MSX1: variants seen among roughly 807,000 people sequenced by gnomAD.
MSX1 encodes msh homeobox 1.
MSX1 carries 11 observed loss-of-function variants against 17.0 expected under a neutral mutation model. That is an observed-to-expected ratio of 0.65 (90% CI 0.41 to 1.07). The LOEUF is 1.07. MSX1 is among the 50% of genes least tolerant of loss of function. MSX1 has a pLI of 0.00. For missense variants in MSX1, 477 were observed against 440.1 expected, an observed-to-expected ratio of 1.08 and a Z score of -0.75; for synonymous variants, 253 against 211.8, an observed-to-expected ratio of 1.19 and a Z score of -1.69.
rs781560389 is a variant in MSX1, at chr4:4,863,065, C to A, written c.834C>A (p.Phe278Leu). The change falls in exon 2 of 2, where the codon TTC (phenylalanine) becomes TTA (leucine). Residue 278 changes from phenylalanine to leucine, a missense_variant. Coordinates refer to ENST00000382723, the MANE Select transcript of MSX1 (RefSeq NM_002448.3). The stretch of plus-strand genomic sequence containing the variant: ...CGCTCTACGGTGCCTCTGGCCCCTT[C>A]CAGCGCGCCGCGCTGCCTGTGGCGC... The part of the protein sequence containing the change: ...GASLYGASGP[F>L]QRAALPVAPV... 8.7e-6 allele frequency: 14 copies of A among 1,608,510 alleles called. No homozygotes were observed. Among genetic ancestry groups the A allele is most frequent in the African/African-American group, 1.3e-5 (1 of 74,788 alleles).
At position 4,860,292 on chromosome 4, in the gene MSX1, C is replaced by T. The variant is rs757983325; in HGVS notation, c.393C>T (p.Leu131=). ...TCCTCAAGCTGCCAGAAGATGCGCT[C>T]GTCAAAGCCGAGAGCCCCGAGAAGC... ...GGLLKLPEDA[L]VKAESPEKPE... The change falls in exon 1 of 2, where the codon CTC becomes CTT. Residue 131 remains leucine (L), a synonymous_variant. Transcript: ENST00000382723. The T allele has an allele frequency of 3.7e-6, 6 of 1,601,028 alleles. No individual in the cohort carries two copies. Among genetic ancestry groups the T allele is most frequent in the Admixed American group, 3.3e-5 (2 of 60,002 alleles).
At position 4,860,302 on chromosome 4, in the gene MSX1, G is replaced by T; in HGVS notation, c.403G>T (p.Glu135Ter). 2 of 1,602,396 alleles carry T rather than the reference G, an allele frequency of 1.2e-6. No individual in the cohort carries two copies. The change falls in exon 1 of 2, where the codon GAG (glutamate) becomes TAG (stop). Residue 135 changes from glutamate to a stop codon, truncating the protein, a stop_gained. Transcript: ENST00000382723. LOFTEE classifies it high-confidence loss of function. The stretch of plus-strand genomic sequence containing the variant: ...GCCAGAAGATGCGCTCGTCAAAGCC[G>T]AGAGCCCCGAGAAGCCCGAGAGGAC... ...KLPEDALVKA[E>*]SPEKPERTPW... is the part of the protein sequence containing the mutation.
intron 1 of MSX1, among the ~76,000 whole-genome samples, chr4:4,860,725 G>T (rs984317197): frequency 3.3e-5 from 5 of 152,234 alleles, no homozygotes; most frequent in Non-Finnish European, 7.3e-5. Context: ...GTGTGGTGCG[G>T]TATCTTCCCT....
In MSX1 at chr4:4,863,582, A is replaced by AAAAAAAAAAAAAAAAAAAAAAAAAAC. The variant is rs1737979890; in HGVS notation, c.*445_*446insAAAAAAAAAAAAAAAAAAACAAAAAA. 1 of 134,684 alleles carries AAAAAAAAAAAAAAAAAAAAAAAAAAC rather than the reference A, an allele frequency of 7.4e-6. No homozygotes were observed. The highest frequency in any genetic ancestry group is 1.6e-5 in the Non-Finnish European group (1 of 63,448). 8.3% of individuals were successfully genotyped at this position (134,684 alleles called of 1,614,324 possible). A position where few individuals can be genotyped will look rare whatever the true frequency, so the allele number is the denominator to read the frequency against. Reference sequence around the variant, plus strand: ...AAAAAAAAAAAAAAAAAAAAAAAAAAAAAAAAGAAAAGAGAAAAAAAAGAC... The same window carrying AAAAAAAAAAAAAAAAAAAAAAAAAAC: ...AAAAAAAAAAAAAAAAAAAAAAAAAAAAAAAAAAAAAAAAAAAAAAAAAAACAAAAAAGAAAAGAGAAAAAAAAGAC... On this transcript the variant is annotated 3_prime_UTR_variant, in exon 2 of 2. Transcript: ENST00000382723.
intron 1 of MSX1, among the ~76,000 whole-genome samples, chr4:4,861,092 C>T (rs539265613): frequency 6.6e-6 from 1 of 152,276 alleles, no homozygotes; most frequent in Admixed American, 6.5e-5. Context: ...AGAACACGCT[C>T]GGAGATATTT....
rs1449682924 is a variant in MSX1, at chr4:4,859,839, G to C, written c.-61G>C. ...CAGAGGCCGGCCGCGCTCCCAGCCC[G>C]CCCGGAGCCCATGCCCGGCGGCTGG... On this transcript the variant is annotated 5_prime_UTR_variant, in exon 1 of 2. Coordinates refer to ENST00000382723, the MANE Select transcript of MSX1 (RefSeq NM_002448.3). 11 of 1,378,712 alleles carry C rather than the reference G, an allele frequency of 8.0e-6. No homozygotes were observed. The highest frequency in any genetic ancestry group is 1.0e-5 in the Non-Finnish European group (11 of 1,061,158). 85.4% of individuals were successfully genotyped at this position (1,378,712 alleles called of 1,614,324 possible).
At chr4:4,860,998 C>T (rs1210559168) in intron 1 of MSX1, among the ~76,000 whole-genome samples, 1 of 152,270 alleles carries the variant, frequency 6.6e-6, no homozygotes, top group African/African-American at 2.4e-5. Context: ...TCCCAAACGT[C>T]TAGGACTGAG....
At position 4,863,199 on chromosome 4, in the gene MSX1, AC is replaced by A; in HGVS notation, c.*61del. On this transcript the variant is annotated 3_prime_UTR_variant, in exon 2 of 2. Coordinates refer to ENST00000382723, the MANE Select transcript of MSX1 (RefSeq NM_002448.3). The stretch of plus-strand genomic sequence containing the variant: ...CCGATTCCTCCAGCCCTGGTGCTGT[AC>A]CCCCGACGTGCTCCCCTGCTCGGCA... The A allele has an allele frequency of 1.3e-6, 2 of 1,527,930 alleles. No homozygotes were observed. Among genetic ancestry groups the A allele is most frequent in the Non-Finnish European group, 8.8e-7 (1 of 1,136,052 alleles). 94.6% of individuals were successfully genotyped at this position (1,527,930 alleles called of 1,614,324 possible). A position where few individuals can be genotyped will look rare whatever the true frequency, so the allele number is the denominator to read the frequency against.
Position 4,863,263 on chromosome 4 carries a change from A to C in MSX1, c.*120A>C. On this transcript the variant is annotated 3_prime_UTR_variant, in exon 2 of 2. Transcript: ENST00000382723. ...TTCCCTTTAACCCTCACACTGCTCC[A>C]GTTTCACCTCTTTGCTCCCTGAGTT... 7 of 1,056,492 alleles carry C rather than the reference A, an allele frequency of 6.6e-6. No individual in the cohort carries two copies. Among genetic ancestry groups the C allele is most frequent in the Non-Finnish European group, 8.3e-6 (6 of 726,058 alleles). 65.4% of individuals were successfully genotyped at this position (1,056,492 alleles called of 1,614,324 possible).
chr4:4,859,874 C>G lies in MSX1; in HGVS notation c.-26C>G. The G allele has an allele frequency of 6.8e-7, 1 of 1,468,416 alleles. No individual in the cohort carries two copies. Among genetic ancestry groups the G allele is most frequent in the Non-Finnish European group, 9.0e-7 (1 of 1,108,290 alleles). The allele number at this position is 1,468,416 out of a possible 1,614,324, so 91.0% of individuals were successfully genotyped here. A position where few individuals can be genotyped will look rare whatever the true frequency, so the allele number is the denominator to read the frequency against. On this transcript the variant is annotated 5_prime_UTR_variant, in exon 1 of 2. Transcript: ENST00000382723. ...CATGCCCGGCGGCTGGCCAGTGCTG[C>G]GGCAGAAGGGGGGGCCCGGCTCTGC...
At position 4,862,929 on chromosome 4, in the gene MSX1, C is replaced by A; in HGVS notation, c.698C>A (p.Ala233Glu). 2 of 1,613,458 alleles carry A rather than the reference C, an allele frequency of 1.2e-6. No homozygotes were observed. Among genetic ancestry groups the A allele is most frequent in the Non-Finnish European group, 1.7e-6 (2 of 1,180,020 alleles). Residue 233 changes from alanine to glutamate, a missense_variant, in exon 2 of 2, where the codon GCA (alanine) becomes GAA (glutamate). Physicochemically the swap from Ala to Glu is moderately radical, Grantham distance 107. Around this residue, in one of 3 missense-constraint regions of MSX1, gnomAD observed 114 missense variants for 106.3 expected, o/e 1.07. Coordinates refer to ENST00000382723, the MANE Select transcript of MSX1 (RefSeq NM_002448.3). Reference sequence around the variant, plus strand: ...GCCAAGGCAAAGAGACTACAAGAGGCAGAGCTGGAGAAGCTGAAGATGGCC... The same window carrying A: ...GCCAAGGCAAAGAGACTACAAGAGGAAGAGCTGGAGAAGCTGAAGATGGCC... ...RRAKAKRLQE[A>E]ELEKLKMAAK...
At chr4:4,860,721 T>C (rs1025903220) in intron 1 of MSX1, among the ~76,000 whole-genome samples, 11 of 152,212 alleles carry the variant, frequency 7.2e-5, no homozygotes, top group African/African-American at 2.7e-4. Flanking sequence ...ATGTGTGTGG[T>C]GCGGTATCTT....
At chr4:4,860,783 C>A (rs942823026) in intron 1 of MSX1, among the ~76,000 whole-genome samples, 1 of 152,228 alleles carries the variant, frequency 6.6e-6, no homozygotes, top group Non-Finnish European at 1.5e-5. Context: ...GTCCCCCAGC[C>A]CCTCTTCCCT....
At chr4:4,860,405 CGGGTGGGG>C (rs780446939) in intron 1 of MSX1, 37 bp downstream of exon 1, 1 of 114,034 alleles carries the variant, frequency 8.8e-6, no homozygotes, top group Non-Finnish European at 1.1e-5. Flanking sequence ...GGGAGGGGGC[CGGGTGGGG>C]GCCGGGTGGG....
In MSX1 at chr4:4,863,138, A is replaced by C; in HGVS notation, c.907A>C (p.Thr303Pro). Reference sequence around the variant, plus strand: ...TGTGGGCTACAGCATGTACCACCTGACATAGAGGGTCCCAGGTCGCCCACC... The same window carrying C: ...TGTGGGCTACAGCATGTACCACCTGCCATAGAGGGTCCCAGGTCGCCCACC... ...AHVGYSMYHL[T>P] Residue 303 changes from threonine (T) to proline (P), a missense_variant, in exon 2 of 2, where the codon ACA (threonine) becomes CCA (proline). This residue lies in a region of MSX1 where 114 missense variants were observed against 106.3 expected (regional missense o/e 1.07). Transcript: ENST00000382723. The C allele has an allele frequency of 6.2e-7, 1 of 1,603,108 alleles. No homozygotes were observed. The highest frequency in any genetic ancestry group is 1.8e-4 in the Middle Eastern group (1 of 5,496).
Position 4,863,076 on chromosome 4 carries a change from C to T in MSX1, c.845C>T (p.Ala282Val). 6.2e-7 allele frequency: 1 copy of T among 1,608,664 alleles called. No individual in the cohort carries two copies. The highest frequency in any genetic ancestry group is 8.5e-7 in the Non-Finnish European group (1 of 1,178,386). Residue 282 changes from alanine (A) to valine (V), a missense_variant, in exon 2 of 2, where the codon GCG becomes GTG. By Grantham distance (64) the Ala-to-Val change is moderately conservative. Coordinates refer to ENST00000382723, the MANE Select transcript of MSX1 (RefSeq NM_002448.3). ...GCCTCTGGCCCCTTCCAGCGCGCCG[C>T]GCTGCCTGTGGCGCCCGTGGGACTC... Reference protein sequence around the residue: ...YGASGPFQRAALPVAPVGLYT... With the variant: ...YGASGPFQRAVLPVAPVGLYT...
At chr4:4,861,044 G>A (rs1327579329) in intron 1 of MSX1, among the ~76,000 whole-genome samples, 1 of 152,252 alleles carries the variant, frequency 6.6e-6, no homozygotes, top group Non-Finnish European at 1.5e-5. Flanking sequence ...AAGGCGGTTC[G>A]CTCCAAGGCC....
rs368257136 is a variant in MSX1 at position 4,860,706 on chromosome 4, GATGA to G, written c.469+342_469+345del. Among the ~76,000 whole-genome samples the G allele has an allele frequency of 9.6e-4, 147 of 152,352 alleles. No individual in the cohort carries two copies. The East Asian group carries it at 0.023, about 24-fold the overall frequency. ...CTGTTTCATCGGCTTCACCCCAGCGGATGAATGTGTGTGGTGCGGTATCTTCCCT... is the reference window on the plus strand; with the variant it reads ...CTGTTTCATCGGCTTCACCCCAGCGGATGTGTGTGGTGCGGTATCTTCCCT... On this transcript the variant is annotated intron_variant, in intron 1 of 1. Coordinates refer to ENST00000382723, the MANE Select transcript of MSX1 (RefSeq NM_002448.3).
rs747687057 is a variant in MSX1, at chr4:4,860,290, C to T, written c.391C>T (p.Leu131Phe). The part of the protein sequence containing the change: ...GGLLKLPEDA[L>F]VKAESPEKPE... The stretch of plus-strand genomic sequence containing the variant: ...ACTCCTCAAGCTGCCAGAAGATGCG[C>T]TCGTCAAAGCCGAGAGCCCCGAGAA... The change falls in exon 1 of 2, where the codon CTC becomes TTC. Residue 131 changes from leucine to phenylalanine, a missense_variant. Coordinates refer to ENST00000382723, the MANE Select transcript of MSX1 (RefSeq NM_002448.3). The T allele has an allele frequency of 3.7e-6, 6 of 1,600,748 alleles. No individual in the cohort carries two copies. The South Asian group carries it at 5.5e-5, about 15-fold the overall frequency.
Sources: allele counts gnomAD v4.1 joint callset (sites outside exome capture counted in the v4.1 genomes callset), GRCh38; gene constraint gnomAD v4.1.1; regional missense constraint gnomAD v4.1.1; transcripts MANE v1.5; gene names NCBI Gene and HGNC (gene_info 2026-07-23, HGNC 2026-07-21).